Variants in LRRC75A observed in about 807,000 individuals in gnomAD.
LRRC75A encodes the protein leucine rich repeat containing 75A, also known as leucine-rich repeat-containing protein 75A.
A neutral mutation model predicts 26.0 loss-of-function variants in LRRC75A; 12 were observed. The ratio of observed to expected loss-of-function variants is 0.46; its 90% CI spans 0.30 to 0.75. The LOEUF (loss-of-function observed/expected upper bound fraction) is 0.75. Among genes scored for constraint, LRRC75A ranks in the 30% least tolerant of loss-of-function variants. The probability of loss-of-function intolerance (pLI) is 0.08; values close to 1 mark genes in which losing one functional copy is unlikely to be tolerated. For synonymous variants in LRRC75A, 223 were observed against 219.3 expected, an observed-to-expected ratio of 1.02 and a Z score of -0.15; for missense variants, 410 against 486.6, an observed-to-expected ratio of 0.84 and a Z score of 1.48.
At chr17:16,477,542 G>C (rs370254587) in intron 1 of LRRC75A, among the ~76,000 whole-genome samples, 33 of 152,378 alleles carry the variant, frequency 2.2e-4, no homozygotes, top group African/African-American at 7.9e-4. Context: ...ATGAGGCCCT[G>C]CCTGTGCTCT....
chr17:16,490,215 C>T (rs1468614310), intron 1 of LRRC75A, among the ~76,000 whole-genome samples: 1 of 152,196 alleles, frequency 6.6e-6, no homozygotes, highest in East Asian at 1.9e-4. Flanking sequence ...CCCCAAAGCA[C>T]CCATTGCAGG....
intron 1 of LRRC75A, among the ~76,000 whole-genome samples, chr17:16,467,442 TC>T (rs1184755477): frequency 6.6e-6 from 1 of 152,174 alleles, no homozygotes; most frequent in Non-Finnish European, 1.5e-5. Flanking sequence ...CGTTGATGCC[TC>T]CCCACAGTTG....
chr17:16,466,721 G>C (rs147588800), intron 1 of LRRC75A, among the ~76,000 whole-genome samples: 2 of 152,278 alleles, frequency 1.3e-5, no homozygotes, highest in Non-Finnish European at 2.9e-5. Context: ...TCAAAGAAGG[G>C]GGCCCTACAT....
At chr17:16,471,741 G>A (rs991518486) in intron 1 of LRRC75A, among the ~76,000 whole-genome samples, 1 of 152,224 alleles carries the variant, frequency 6.6e-6, no homozygotes, top group East Asian at 1.9e-4. Context: ...AGGAAATGCT[G>A]ACACTGTCCA....
intron 1 of LRRC75A, among the ~76,000 whole-genome samples, chr17:16,464,975 C>A (rs1568972393): frequency 6.6e-6 from 1 of 152,254 alleles, no homozygotes; most frequent in Admixed American, 6.5e-5. Context: ...CAGCTTGAGG[C>A]TCCCCTTCCT....
In LRRC75A at chr17:16,476,820, G is replaced by C. The variant is rs1349112680; in HGVS notation, c.247-14434C>G. Among the ~76,000 whole-genome samples, 4 of 143,822 alleles carry C rather than the reference G, an allele frequency of 2.8e-5. No individual in the cohort carries two copies. The South Asian group carries it at 6.6e-4, about 24-fold the overall frequency. 94.4% of individuals were successfully genotyped at this position (143,822 alleles called of 152,430 possible). A position where few individuals can be genotyped will look rare whatever the true frequency, so the allele number is the denominator to read the frequency against. On this transcript the variant is annotated intron_variant, in intron 1 of 3. Transcript: ENST00000470794. The stretch of plus-strand genomic sequence containing the variant: ...GTAGCACAATCTCGGCTCACTGCAA[G>C]CTCCGCCTCCCGGGTTCACGCCATT...
chr17:16,443,677 C>T lies in LRRC75A; in HGVS notation c.946G>A (p.Val316Ile), dbSNP rs760680928. ...CCCCCTCCAGGGTCCTCCTGGCCTACTGTCCCTTCCCGGACCTCCTCCCCA... is the reference window on the plus strand; with the variant it reads ...CCCCCTCCAGGGTCCTCCTGGCCTATTGTCCCTTCCCGGACCTCCTCCCCA... ...GSGEEVREGT[V>I]GQEDPGGGPV... Residue 316 changes from valine (V) to isoleucine (I), a missense_variant, in exon 4 of 4, where the codon GTA becomes ATA. Transcript: ENST00000470794. The T allele has an allele frequency of 1.9e-6, 3 of 1,595,328 alleles. No homozygotes were observed. The highest frequency in any genetic ancestry group is 1.1e-5 in the South Asian group (1 of 89,302).
intron 2 of LRRC75A, among the ~76,000 whole-genome samples, chr17:16,453,268 G>A (rs1210793324): frequency 6.6e-6 from 1 of 151,976 alleles, no homozygotes; most frequent in Non-Finnish European, 1.5e-5. Context: ...TGGCCTGGGC[G>A]CCAGAGTGGG....
intron 2 of LRRC75A, among the ~76,000 whole-genome samples, chr17:16,460,699 T>C (rs1291479734): frequency 6.6e-6 from 1 of 152,264 alleles, no homozygotes; most frequent in Non-Finnish European, 1.5e-5. Context: ...CTTGATTACC[T>C]GAATTTTGTT....
intron 1 of LRRC75A, among the ~76,000 whole-genome samples, chr17:16,464,230 T>A (rs529513290): frequency 6.6e-6 from 1 of 151,116 alleles, no homozygotes; most frequent in African/African-American, 2.5e-5. Flanking sequence ...CTGAAAAAAT[T>A]TGCTGGGAAC....
At chr17:16,447,076 T>G (rs982041210) in intron 3 of LRRC75A, 2 of 231,198 alleles carry the variant, frequency 8.7e-6, no homozygotes, top group African/African-American at 4.8e-5. Flanking sequence ...TGGCAGAGTC[T>G]TTGTGAGGGC....
intron 1 of LRRC75A, among the ~76,000 whole-genome samples, chr17:16,467,212 G>A (rs550913641): frequency 1.2e-3 from 183 of 152,150 alleles, no homozygotes; most frequent in Middle Eastern, 6.8e-3. Context: ...GGATTGCAGC[G>A]GTGCGATCAT....
chr17:16,462,798 T>G lies in LRRC75A; in HGVS notation c.247-412A>C. The G allele has an allele frequency of 5.5e-6, 1 of 182,642 alleles. No individual in the cohort carries two copies. Among genetic ancestry groups the G allele is most frequent in the South Asian group, 1.1e-4 (1 of 8,748 alleles). The allele number at this position is 182,642 out of a possible 1,614,324, so 11.3% of individuals were successfully genotyped here. A position where few individuals can be genotyped will look rare whatever the true frequency, so the allele number is the denominator to read the frequency against. On this transcript the variant is annotated intron_variant, in intron 1 of 3. Transcript: ENST00000470794. This position sits in a 1 kb window ranked among gnomAD's most constrained non-coding sequence, Gnocchi z 4.6. Reference sequence around the variant, plus strand: ...ATGATATTTATTTGTGTTTTCTTCCTGCTTCTGACGTTGTTTTTACTGCTC... The same window carrying G: ...ATGATATTTATTTGTGTTTTCTTCCGGCTTCTGACGTTGTTTTTACTGCTC...
At chr17:16,463,242 G>A (rs2093741486) in intron 1 of LRRC75A, 1 of 152,174 alleles carries the variant, frequency 6.6e-6, no homozygotes, top group African/African-American at 2.4e-5. Context: ...GATCGGCTTT[G>A]GAGAAGTAAG....
At chr17:16,453,336 A>ACACG (rs2093650850) in intron 2 of LRRC75A, among the ~76,000 whole-genome samples, 1 of 137,280 alleles carries the variant, frequency 7.3e-6, no homozygotes, top group African/African-American at 2.8e-5. Context: ...ACGCACACGC[A>ACACG]CACACGCACA....
chr17:16,448,256 G>C (rs2093602991), intron 2 of LRRC75A: 1 of 402,572 alleles, frequency 2.5e-6, no homozygotes, highest in Non-Finnish European at 4.8e-6. Flanking sequence ...CTGACCCCCT[G>C]GCCAAGACTC....
chr17:16,477,092 G>A (rs1312068926), intron 1 of LRRC75A, among the ~76,000 whole-genome samples: 1 of 151,724 alleles, frequency 6.6e-6, no homozygotes, highest in Non-Finnish European at 1.5e-5. Flanking sequence ...ACCATGTTGG[G>A]CAGGCTGGCC....
chr17:16,468,305 C>T (rs996446479), intron 1 of LRRC75A, among the ~76,000 whole-genome samples: 1 of 152,186 alleles, frequency 6.6e-6, no homozygotes, highest in Non-Finnish European at 1.5e-5. Context: ...GAAAACAATC[C>T]GGGTGGCCAT....
In LRRC75A at chr17:16,443,687, C is replaced by T. The variant is rs200702301; in HGVS notation, c.936G>A (p.Arg312=). The change falls in exon 4 of 4, where the codon CGG becomes CGA. Residue 312 remains arginine (R), a synonymous_variant. Transcript: ENST00000470794. ...GEGPGSGEEV[R]EGTVGQEDPG... ...GGTCCTCCTGGCCTACTGTCCCTTC[C>T]CGGACCTCCTCCCCACTGCCTGGGC... The T allele has an allele frequency of 1.5e-3, 2,433 of 1,605,198 alleles. 6 individuals carry two copies. The highest frequency in any genetic ancestry group is 8.1e-3 in the Middle Eastern group (49 of 6,042).
Sources: allele counts gnomAD v4.1 joint callset (sites outside exome capture counted in the v4.1 genomes callset), GRCh38; gene constraint gnomAD v4.1.1; non-coding constraint Gnocchi (gnomAD v3.1); transcripts MANE v1.5; gene names NCBI Gene and HGNC (gene_info 2026-07-23, HGNC 2026-07-21).